The following UBL7 variants were observed in gnomAD, a reference collection of about 807,000 sequenced individuals.
UBL7 encodes ubiquitin-like protein 7.
UBL7 carries 21 observed loss-of-function variants against 41.7 expected under a neutral mutation model. The ratio of observed to expected loss-of-function variants is 0.50; its 90% confidence interval spans 0.36 to 0.73. UBL7 has a LOEUF of 0.73. Ranked by LOEUF, UBL7 falls within the 30% of genes least tolerant of loss-of-function variation. UBL7 has a pLI of 0.00. For synonymous variants in UBL7, 157 were observed against 186.9 expected, an observed-to-expected ratio of 0.84 and a Z score of 1.31; for missense variants, 403 against 478.4, an observed-to-expected ratio of 0.84 and a Z score of 1.47.
chr15:74,446,910 A>G lies in UBL7; in HGVS notation c.1006-683T>C, dbSNP rs1353608296. ...ATTTCATGACAGCAGGGATGAGCAC[A>G]ATTTAGGGAAAACAACGTGTTCACA... On this transcript the variant is annotated intron_variant, in intron 10 of 10. Transcript: ENST00000395081. This position sits in a 1 kb window ranked among gnomAD's most constrained non-coding sequence, Gnocchi z 4.1. Among the ~76,000 whole-genome samples, 1 of 152,206 alleles carries G rather than the reference A, an allele frequency of 6.6e-6. No individual in the cohort carries two copies. Among genetic ancestry groups the G allele is most frequent in the East Asian group, 1.9e-4 (1 of 5,202 alleles).
chr15:74,459,061 C>T (rs982339407), intron 1 of UBL7, 165 bp from the exon 2 acceptor site: 1 of 639,116 alleles, frequency 1.6e-6, no homozygotes, highest in Admixed American at 2.9e-5. Flanking sequence ...TCTCTCTACT[C>T]ATACTGTGAT....
rs1347432643 is a variant in UBL7, at chr15:74,452,219, C to G, written c.387+77G>C. On this transcript the variant is annotated intron_variant, in intron 4 of 10. Transcript: ENST00000395081. ...TTGCCATGGCAACGGGCTTCCAGCTCCCACTCCACACCACTCGCCAGCCAG... is the reference window on the plus strand; with the variant it reads ...TTGCCATGGCAACGGGCTTCCAGCTGCCACTCCACACCACTCGCCAGCCAG... 27 of 1,463,964 alleles carry G rather than the reference C, an allele frequency of 1.8e-5. No homozygotes were observed. The East Asian group carries it at 6.8e-4, about 37-fold the overall frequency. 90.7% of individuals were successfully genotyped at this position (1,463,964 alleles called of 1,614,324 possible). A position where few individuals can be genotyped will look rare whatever the true frequency, so the allele number is the denominator to read the frequency against.
chr15:74,456,630 G>A lies in UBL7; in HGVS notation c.226C>T (p.Leu76Phe). ...CGRKLKDDQTLDFYGIQPGST... is the reference protein window; with the variant it reads ...CGRKLKDDQTFDFYGIQPGST... ...CCAGGTTGAATGCCATAGAAGTCAA[G>A]TGTCTGGTCATCTTTTAGCTTCCGA... The change falls in exon 3 of 11, where the codon CTT (leucine) becomes TTT (phenylalanine). Residue 76 changes from leucine to phenylalanine, a missense_variant. Transcript: ENST00000395081. The A allele has an allele frequency of 6.2e-7, 1 of 1,614,124 alleles. No individual in the cohort carries two copies. Among genetic ancestry groups the A allele is most frequent in the Non-Finnish European group, 8.5e-7 (1 of 1,180,006 alleles).
chr15:74,454,529 G>T (rs2061277253), intron 3 of UBL7, among the ~76,000 whole-genome samples: 1 of 152,056 alleles, frequency 6.6e-6, no homozygotes, highest in Non-Finnish European at 1.5e-5. Context: ...CTCTCAAGTA[G>T]CTGGGATTAC....
intron 1 of UBL7, among the ~76,000 whole-genome samples, chr15:74,459,916 G>C (rs1201823512): frequency 8.6e-6 from 1 of 116,406 alleles, no homozygotes; most frequent in South Asian, 3.2e-4. Context: ...CTGGGTGACA[G>C]AGAGAGACTC....
At chr15:74,459,137 T>C in intron 1 of UBL7, 1 of 441,968 alleles carries the variant, frequency 2.3e-6, no homozygotes, top group South Asian at 2.8e-5. Context: ...TCCAATCTAA[T>C]AGGAATGTTG....
rs957096858 is a variant in UBL7, at chr15:74,446,947, G to A, written c.1006-720C>T. Among the ~76,000 whole-genome samples, 1 of 152,174 alleles carries A rather than the reference G, an allele frequency of 6.6e-6. No homozygotes were observed. Among genetic ancestry groups the A allele is most frequent in the African/African-American group, 2.4e-5 (1 of 41,432 alleles). Reference sequence around the variant, plus strand: ...ACAACGTGTTCACATGTGGGAAGAAGGCAATGCAAAGGGGAAGAAAAGCAA... The same window carrying A: ...ACAACGTGTTCACATGTGGGAAGAAAGCAATGCAAAGGGGAAGAAAAGCAA... On this transcript the variant is annotated intron_variant, in intron 10 of 10. Transcript: ENST00000395081. This position sits in a 1 kb window ranked among gnomAD's most constrained non-coding sequence, Gnocchi z 4.1.
chr15:74,447,649 G>A (rs1251858346), intron 10 of UBL7, among the ~76,000 whole-genome samples: 2 of 152,174 alleles, frequency 1.3e-5, no homozygotes, highest in Non-Finnish European at 2.9e-5. Flanking sequence ...TGAGGCTACA[G>A]TAAGTTGTGA....
At chr15:74,459,529 G>T (rs1395210511) in intron 1 of UBL7, among the ~76,000 whole-genome samples, 1 of 150,078 alleles carries the variant, frequency 6.7e-6, no homozygotes, top group African/African-American at 2.4e-5. Flanking sequence ...GTGTTAGCCA[G>T]GATGGTCTCG....
rs903024690 is a variant in UBL7, at chr15:74,458,527, T to G, written c.184+157A>C. ...AATGGCAACCAATAGTTTCATTATA[T>G]GATTTGTGTTTCTATTTACCCAACA... On this transcript the variant is annotated intron_variant, in intron 2 of 10. Transcript: ENST00000395081. Among the ~76,000 whole-genome samples, 4 of 152,240 alleles carry G rather than the reference T, an allele frequency of 2.6e-5. No individual in the cohort carries two copies. The East Asian group carries it at 7.7e-4, about 29-fold the overall frequency.
intron 8 of UBL7, 36 bp downstream of exon 8, chr15:74,449,590 A>G (rs759605439): frequency 1.2e-5 from 19 of 1,613,886 alleles, no homozygotes; most frequent in Middle Eastern, 1.7e-4. Context: ...TCTCCCCCAC[A>G]TGTCAGCATG....
intron 3 of UBL7, 43 bp downstream of exon 3, chr15:74,456,509 T>C: frequency 1.2e-6 from 2 of 1,608,616 alleles, no homozygotes; most frequent in Non-Finnish European, 1.7e-6. Context: ...CCCTTGCGGA[T>C]ATTACAGAAA....
rs950133704 is a variant in UBL7, at chr15:74,450,072, A to G, written c.531-3T>C. 1.2e-6 allele frequency: 2 copies of G among 1,611,196 alleles called. No homozygotes were observed. The highest frequency in any genetic ancestry group is 1.7e-6 in the Non-Finnish European group (2 of 1,178,404). On this transcript the variant is annotated splice_region_variant and splice_polypyrimidine_tract_variant and intron_variant, in intron 6 of 10. Transcript: ENST00000395081. ...GGGCTGGGTGAGCAGGCACCAACCT[A>G]GGATAGAAGCAGGAAGAAACCCAAG...
intron 8 of UBL7, 108 bp downstream of exon 8, chr15:74,449,518 G>GT (rs2061220677): frequency 1.3e-6 from 2 of 1,574,138 alleles, no homozygotes; most frequent in Admixed American, 3.4e-5. Flanking sequence ...CCCCAATGGC[G>GT]TATGTCCATC....
chr15:74,452,321 T>C lies in UBL7; in HGVS notation c.362A>G (p.His121Arg). The change falls in exon 4 of 11, where the codon CAC becomes CGC. Residue 121 changes from histidine (H) to arginine (R), a missense_variant. His to Arg is a conservative substitution (Grantham distance 29). Coordinates refer to ENST00000395081, the MANE Select transcript of UBL7 (RefSeq NM_032907.5). ...CGCCTCCCTGTAAGAGGAGCTGCTG[T>C]GCAGGGCAGTGTGCAACACCCGGAA... Reference protein sequence around the residue: ...REFRVLHTALHSSSSYREAVF... With the variant: ...REFRVLHTALRSSSSYREAVF... 8 of 1,559,778 alleles carry C rather than the reference T, an allele frequency of 5.1e-6. No homozygotes were observed. Among genetic ancestry groups the C allele is most frequent in the Non-Finnish European group, 6.1e-6 (7 of 1,150,720 alleles).
chr15:74,455,701 C>T (rs959758982), intron 3 of UBL7, among the ~76,000 whole-genome samples: 10 of 151,852 alleles, frequency 6.6e-5, no homozygotes, highest in African/African-American at 2.2e-4. Flanking sequence ...GGATGACAAA[C>T]TTAGAAAGTG....
Position 74,450,840 on chromosome 15 carries a change from G to A in UBL7, c.492C>T (p.Asp164=). 1 of 1,613,636 alleles carries A rather than the reference G, an allele frequency of 6.2e-7. No homozygotes were observed. The highest frequency in any genetic ancestry group is 1.3e-5 in the African/African-American group (1 of 75,026). The change falls in exon 6 of 11, where the codon GAC becomes GAT. Residue 164 remains aspartate, a synonymous_variant. Coordinates refer to ENST00000395081, the MANE Select transcript of UBL7 (RefSeq NM_032907.5). ...PIALGVLQDK[D]LFSVFADPNM... ...TGGGATCAGCGAAGACAGAGAAGAG[G>A]TCCTTGTCCTGGAGAACCCCTGAAA...
At position 74,446,017 on chromosome 15, in the gene UBL7, A is replaced by T. The variant is rs2061179131; in HGVS notation, c.*73T>A. On this transcript the variant is annotated 3_prime_UTR_variant, in exon 11 of 11. Coordinates refer to ENST00000395081, the MANE Select transcript of UBL7 (RefSeq NM_032907.5). The surrounding 1 kb of genome is among the most constrained non-coding windows in gnomAD (Gnocchi z 4.1). ...GGTATATTGGGGAAGGGAGAGATGG[A>T]GGCACCTTCATGAGTGCCTCCCAAG... The T allele has an allele frequency of 6.4e-7, 1 of 1,565,372 alleles. No homozygotes were observed. The highest frequency in any genetic ancestry group is 2.3e-5 in the East Asian group (1 of 44,386).
chr15:74,453,499 G>A (rs1170600095), intron 3 of UBL7, among the ~76,000 whole-genome samples: 2 of 152,152 alleles, frequency 1.3e-5, no homozygotes, highest in African/African-American at 4.8e-5. Context: ...TTTGAAATGG[G>A]TATCAAAGAG....
Sources: gnomAD v4.1 joint callset for allele counts (sites outside exome capture counted in the v4.1 genomes callset) on GRCh38, gnomAD v4.1.1 for gene constraint, Gnocchi (gnomAD v3.1) non-coding constraint, MANE v1.5 for transcripts, NCBI Gene and HGNC (gene_info 2026-07-23, HGNC 2026-07-21) for gene names.